Variants in TRPC4AP observed in about 807,000 individuals in gnomAD.
The protein encoded by TRPC4AP is transient receptor potential cation channel subfamily C member 4 associated protein.
TRPC4AP carries 45 observed loss-of-function variants against 99.0 expected under a neutral mutation model. The ratio of observed to expected loss-of-function variants is 0.45; its 90% CI spans 0.36 to 0.58. The LOEUF (loss-of-function observed/expected upper bound fraction) is 0.58. Ranked by LOEUF, TRPC4AP falls within the 20% of genes least tolerant of loss-of-function variation. TRPC4AP has a pLI of 0.00. For synonymous variants in TRPC4AP, 408 were observed against 385.8 expected, an observed-to-expected ratio of 1.06 and a Z score of -0.67; for missense variants, 879 against 985.3, an observed-to-expected ratio of 0.89 and a Z score of 1.44.
At chr20:35,051,772 C>A (rs549419074) in intron 5 of TRPC4AP, among the ~76,000 whole-genome samples, 1 of 152,308 alleles carries the variant, frequency 6.6e-6, no homozygotes, top group East Asian at 1.9e-4. Flanking sequence ...TTTACACTTT[C>A]TCAAAGCTTA....
At chr20:35,088,280 G>A (rs1248101595) in intron 1 of TRPC4AP, among the ~76,000 whole-genome samples, 2 of 152,180 alleles carry the variant, frequency 1.3e-5, no homozygotes, top group Non-Finnish European at 2.9e-5. Flanking sequence ...GGCATAAACA[G>A]ATTAAATAAC....
At chr20:35,057,962 T>A (rs1057468827) in intron 3 of TRPC4AP, among the ~76,000 whole-genome samples, 1 of 152,232 alleles carries the variant, frequency 6.6e-6, no homozygotes, top group Non-Finnish European at 1.5e-5. Flanking sequence ...TTGTTAACAC[T>A]GATTTCTACA....
At chr20:35,020,524 G>GC (rs1315134666) in intron 9 of TRPC4AP, among the ~76,000 whole-genome samples, 2 of 152,136 alleles carry the variant, frequency 1.3e-5, no homozygotes, top group African/African-American at 2.4e-5. Flanking sequence ...GGGGGTAACT[G>GC]CACCTCTGTT....
chr20:35,031,948 G>A (rs993579476), intron 8 of TRPC4AP, among the ~76,000 whole-genome samples: 2 of 152,170 alleles, frequency 1.3e-5, no homozygotes, highest in African/African-American at 2.4e-5. Context: ...CGCAACTGCA[G>A]TGGCACCATC....
At position 35,006,417 on chromosome 20, in the gene TRPC4AP, G is replaced by T. The variant is rs1320142673; in HGVS notation, c.1827+18C>A. The T allele has an allele frequency of 6.2e-7, 1 of 1,613,236 alleles. No individual in the cohort carries two copies. The highest frequency in any genetic ancestry group is 1.7e-4 in the Middle Eastern group (1 of 6,056). ...TGGACAACCCAGCACACTCCACAGA[G>T]CCCTGGGTTAACTTTACCTTTGCAT... On this transcript the variant is annotated intron_variant, in intron 15 of 18. Transcript: ENST00000252015.
chr20:35,024,005 T>G (rs924065170), intron 8 of TRPC4AP, among the ~76,000 whole-genome samples: 1 of 152,206 alleles, frequency 6.6e-6, no homozygotes, highest in Non-Finnish European at 1.5e-5. Flanking sequence ...GTCCCAAGGA[T>G]GAGGATGGGA....
At chr20:35,082,112 T>C (rs2084662660) in intron 1 of TRPC4AP, among the ~76,000 whole-genome samples, 1 of 151,998 alleles carries the variant, frequency 6.6e-6, no homozygotes, top group South Asian at 2.1e-4. Context: ...TAATAAAAAC[T>C]TCAACATACA....
chr20:35,005,563 A>C, intron 16 of TRPC4AP, 132 bp downstream of exon 16: 1 of 743,928 alleles, frequency 1.3e-6, no homozygotes, highest in Non-Finnish European at 2.2e-6. Context: ...GGAAGCCGCC[A>C]CCTTGAGGCC....
chr20:35,083,342 G>A (rs1433074599), intron 1 of TRPC4AP, among the ~76,000 whole-genome samples: 2 of 151,966 alleles, frequency 1.3e-5, no homozygotes, highest in African/African-American at 4.8e-5. Flanking sequence ...GTTCACACTT[G>A]TAATCCCAGC....
intron 16 of TRPC4AP, among the ~76,000 whole-genome samples, chr20:35,004,780 C>A (rs112079634): frequency 1.3e-5 from 2 of 152,238 alleles, no homozygotes; most frequent in African/African-American, 4.8e-5. Context: ...CCCAGGAGCA[C>A]CCCACCTCAT....
At chr20:35,010,488 T>C (rs1389919779) in intron 11 of TRPC4AP, among the ~76,000 whole-genome samples, 200 bp from the exon 12 acceptor site, 2 of 152,110 alleles carry the variant, frequency 1.3e-5, no homozygotes, top group Admixed American at 1.3e-4. Context: ...AATCTCTCCC[T>C]GGCCCCACCC....
intron 8 of TRPC4AP, among the ~76,000 whole-genome samples, chr20:35,034,358 T>A (rs931150427): frequency 3.9e-5 from 6 of 152,018 alleles, no homozygotes; most frequent in Non-Finnish European, 8.8e-5. Context: ...CCTCTGTACA[T>A]GAGCAAGCTA....
At chr20:35,085,144 C>T (rs1347889509) in intron 1 of TRPC4AP, among the ~76,000 whole-genome samples, 3 of 152,190 alleles carry the variant, frequency 2.0e-5, no homozygotes, top group Non-Finnish European at 2.9e-5. Flanking sequence ...AGTATGGACA[C>T]TGAACAGCAT....
intron 2 of TRPC4AP, among the ~76,000 whole-genome samples, chr20:35,073,628 G>C (rs2084386956): frequency 1.3e-5 from 2 of 152,214 alleles, no homozygotes; most frequent in Non-Finnish European, 2.9e-5. Context: ...AAGCCAACTT[G>C]ATCGTGGTGA....
chr20:35,080,930 A>C (rs1315212617), intron 1 of TRPC4AP, among the ~76,000 whole-genome samples: 2 of 152,188 alleles, frequency 1.3e-5, no homozygotes, highest in African/African-American at 4.8e-5. Flanking sequence ...ATAAATGAAC[A>C]TAAGTGAACT....
At chr20:35,088,867 G>A (rs952335370) in intron 1 of TRPC4AP, among the ~76,000 whole-genome samples, 8 of 152,092 alleles carry the variant, frequency 5.3e-5, no homozygotes, top group Non-Finnish European at 8.8e-5. Context: ...CTATACTGGG[G>A]TTATCTAAAG....
intron 15 of TRPC4AP, 53 bp downstream of exon 15, chr20:35,006,382 G>C: frequency 1.3e-6 from 2 of 1,593,632 alleles, no homozygotes; most frequent in Non-Finnish European, 1.7e-6. Flanking sequence ...CAGGACTCCA[G>C]GTGAACTTCT....
chr20:35,024,078 G>A (rs1439153607), intron 8 of TRPC4AP, among the ~76,000 whole-genome samples: 1 of 151,712 alleles, frequency 6.6e-6, no homozygotes, highest in African/African-American at 2.4e-5. Flanking sequence ...CGATTGGAGC[G>A]GTCACCACTC....
chr20:35,006,334 G>A (rs767035013), intron 15 of TRPC4AP, 101 bp downstream of exon 15: 144 of 1,405,192 alleles, frequency 1.0e-4, no homozygotes, highest in Non-Finnish European at 1.3e-4. Context: ...CTCCCCCGTC[G>A]TCTCTAACGT....
Sources: gnomAD v4.1 joint callset for allele counts (sites outside exome capture counted in the v4.1 genomes callset) on GRCh38, gnomAD v4.1.1 for gene constraint, MANE v1.5 for transcripts, NCBI Gene and HGNC (gene_info 2026-07-23, HGNC 2026-07-21) for gene names.